The following TYW1 variants were observed in gnomAD, a reference collection of about 807,000 sequenced individuals.
The protein encoded by TYW1 is S-adenosyl-L-methionine-dependent tRNA 4-demethylwyosine synthase TYW1.
TYW1 carries 46 observed loss-of-function variants against 96.2 expected under a neutral mutation model. That is an observed-to-expected ratio of 0.48 (90% CI 0.38 to 0.61). The LOEUF (loss-of-function observed/expected upper bound fraction) is 0.61. Ranked by LOEUF, TYW1 falls within the 20% of genes least tolerant of loss-of-function variation. TYW1 has a pLI of 0.00. For missense variants in TYW1, 684 were observed against 909.6 expected (o/e 0.75, Z 3.19); for synonymous variants, 274 against 323.0 (o/e 0.85, Z 1.63).
intron 13 of TYW1, among the ~76,000 whole-genome samples, chr7:67,124,118 C>T (rs1458574694): frequency 2.0e-5 from 3 of 152,176 alleles, no homozygotes; most frequent in South Asian, 4.1e-4. Context: ...ATGACTCATA[C>T]TTTACCAGAA....
intron 11 of TYW1, among the ~76,000 whole-genome samples, chr7:67,094,946 C>T (rs1243840534): frequency 4.0e-5 from 6 of 151,616 alleles, no homozygotes; most frequent in Non-Finnish European, 8.8e-5. Context: ...TAAAGTGGTG[C>T]CTGGTGGAGA....
intron 12 of TYW1, among the ~76,000 whole-genome samples, chr7:67,109,754 C>A (rs934358066): frequency 1.5e-4 from 23 of 152,128 alleles, no homozygotes; most frequent in Non-Finnish European, 1.8e-4. Context: ...GTGGCGGGCA[C>A]CTGTAATCCC....
intron 8 of TYW1, among the ~76,000 whole-genome samples, chr7:67,053,265 G>C (rs1391043929): frequency 6.6e-6 from 1 of 151,912 alleles, no homozygotes; most frequent in East Asian, 1.9e-4. Flanking sequence ...TGCATCTTTA[G>C]ATTTCTAGTC....
rs1795307921 is a variant in TYW1 at position 67,050,042 on chromosome 7, C to T, written c.1078C>T (p.Leu360Phe). 6.2e-7 allele frequency: 1 copy of T among 1,614,010 alleles called. No homozygotes were observed. Among genetic ancestry groups the T allele is most frequent in the African/African-American group, 1.3e-5 (1 of 75,004 alleles). The change falls in exon 8 of 16, where the codon CTC (leucine) becomes TTC (phenylalanine). Residue 360 changes from leucine (L) to phenylalanine (F), a missense_variant. Leu to Phe is a conservative substitution (Grantham distance 22). Coordinates refer to ENST00000359626, the MANE Select transcript of TYW1 (RefSeq NM_018264.4). ...AAGAAGAGCTATGATAACTCCTGCTCTCCGAGAAGCCCTTACTAAACAAGG... is the reference window on the plus strand; with the variant it reads ...AAGAAGAGCTATGATAACTCCTGCTTTCCGAGAAGCCCTTACTAAACAAGG... ...GERRAMITPA[L>F]REALTKQGYQ...
At chr7:67,145,648 A>G (rs1798586593) in intron 13 of TYW1, among the ~76,000 whole-genome samples, 1 of 152,138 alleles carries the variant, frequency 6.6e-6, no homozygotes, top group Non-Finnish European at 1.5e-5. Flanking sequence ...TGCATTGGGT[A>G]TATATTTCCT....
chr7:67,079,793 AT>A (rs1267490921), intron 10 of TYW1, among the ~76,000 whole-genome samples: 8 of 151,782 alleles, frequency 5.3e-5, no homozygotes, highest in Non-Finnish European at 8.8e-5. Context: ...ATTTGCTTCT[AT>A]TTTCATTTGT....
chr7:67,173,634 G>A, intron 13 of TYW1, among the ~76,000 whole-genome samples: 1 of 137,008 alleles, frequency 7.3e-6, no homozygotes, highest in Non-Finnish European at 1.6e-5. Context: ...CCCCTGTCTT[G>A]TCTTAACAAC....
chr7:67,076,522 C>CTCTTT (rs1796211320), intron 10 of TYW1, among the ~76,000 whole-genome samples: 14 of 151,914 alleles, frequency 9.2e-5, no homozygotes, highest in African/African-American at 3.4e-4. Context: ...TTTGCCCAGG[C>CTCTTT]TGGAGTGCAG....
chr7:67,055,610 AAAG>A (rs60421837), intron 8 of TYW1, among the ~76,000 whole-genome samples: 3,971 of 151,762 alleles, frequency 0.026, 221 homozygotes, highest in East Asian at 0.16. Context: ...AAAAAAAAAA[AAAG>A]ATCATTTCTT....
At chr7:67,139,728 G>GGTGTGT (rs55993805) in intron 13 of TYW1, among the ~76,000 whole-genome samples, 9,726 of 138,446 alleles carry the variant, frequency 0.07, 402 homozygotes, top group East Asian at 0.17. Context: ...TGTGTATACA[G>GGTGTGT]GTGTGTGTGT....
At chr7:67,064,736 G>T (rs1795807714) in intron 9 of TYW1, among the ~76,000 whole-genome samples, 1 of 152,172 alleles carries the variant, frequency 6.6e-6, no homozygotes, top group South Asian at 2.1e-4. Context: ...GGAATTCTGG[G>T]AGATAAATTC....
intron 3 of TYW1, among the ~76,000 whole-genome samples, chr7:67,004,782 G>A (rs1793512875): frequency 6.6e-6 from 1 of 152,118 alleles, no homozygotes; most frequent in Non-Finnish European, 1.5e-5. Flanking sequence ...TTGAGACAGA[G>A]TCTTTCTCTG....
chr7:67,152,811 G>A (rs1178815306), intron 13 of TYW1, among the ~76,000 whole-genome samples: 1 of 152,150 alleles, frequency 6.6e-6, no homozygotes, highest in Non-Finnish European at 1.5e-5. Context: ...ATGTTAGCCA[G>A]TTTGGTCTTG....
intron 13 of TYW1, among the ~76,000 whole-genome samples, chr7:67,169,677 G>A (rs1799458774): frequency 6.6e-6 from 1 of 152,232 alleles, no homozygotes; most frequent in Non-Finnish European, 1.5e-5. Context: ...GGGATTACAG[G>A]CGTGAGCCAC....
chr7:67,037,592 A>T (rs1362436479), intron 7 of TYW1, among the ~76,000 whole-genome samples: 2 of 151,608 alleles, frequency 1.3e-5, no homozygotes, highest in Non-Finnish European at 2.9e-5. Context: ...GACAAAGGCT[A>T]GACATCTTAT....
At position 67,183,251 on chromosome 7, in the gene TYW1, A is replaced by T. The variant is rs1389404821; in HGVS notation, c.1809+15A>T. On this transcript the variant is annotated intron_variant, in intron 14 of 15. Coordinates refer to ENST00000359626, the MANE Select transcript of TYW1 (RefSeq NM_018264.4). ...TCGAAGTGAAGGTAAGCCCCTGCTG[A>T]CTCTGGTGGCTGTGGTGGAGTGACA... 6.3e-7 allele frequency: 1 copy of T among 1,588,436 alleles called. No individual in the cohort carries two copies. The highest frequency in any genetic ancestry group is 1.8e-5 in the Admixed American group (1 of 56,762).
At chr7:67,126,468 A>G (rs1177392539) in intron 13 of TYW1, among the ~76,000 whole-genome samples, 1 of 152,136 alleles carries the variant, frequency 6.6e-6, no homozygotes, top group Non-Finnish European at 1.5e-5. Context: ...CAGAGCAAAA[A>G]TGTTTAATAC....
intron 10 of TYW1, among the ~76,000 whole-genome samples, chr7:67,071,932 T>C (rs1484448519): frequency 6.6e-6 from 1 of 151,358 alleles, no homozygotes; most frequent in Non-Finnish European, 1.5e-5. Context: ...TGGAACACTC[T>C]TTTAATGTTT....
intron 13 of TYW1, among the ~76,000 whole-genome samples, chr7:67,179,846 A>AAC (rs1461979957): frequency 8.6e-6 from 1 of 116,106 alleles, no homozygotes; most frequent in African/African-American, 3.6e-5. Flanking sequence ...AATCATTAGG[A>AAC]ATATATATAT....
Sources: allele counts gnomAD v4.1 joint callset (sites outside exome capture counted in the v4.1 genomes callset), GRCh38; gene constraint gnomAD v4.1.1; transcripts MANE v1.5; gene names NCBI Gene and HGNC (gene_info 2026-07-23, HGNC 2026-07-21).